Variants in PCBP3 observed in about 807,000 individuals in gnomAD.
The protein encoded by PCBP3 is poly(rC) binding protein 3, also known as poly(rC)-binding protein 3.
PCBP3 carries 25 observed loss-of-function variants against 52.7 expected under a neutral mutation model. The ratio of observed to expected loss-of-function variants is 0.47; its 90% CI spans 0.35 to 0.66. PCBP3 has a LOEUF of 0.66. PCBP3 is among the 30% of genes least tolerant of loss of function. The pLI, the probability that PCBP3 is intolerant of heterozygous loss-of-function variation, is 0.01. For missense variants in PCBP3, 391 were observed against 490.3 expected, an observed-to-expected ratio of 0.80 and a Z score of 1.91; for synonymous variants, 162 against 183.0, an observed-to-expected ratio of 0.89 and a Z score of 0.93.
chr21:45,764,225 C>T (rs1043057441), intron 4 of PCBP3, among the ~76,000 whole-genome samples: 3 of 151,316 alleles, frequency 2.0e-5, no homozygotes, highest in South Asian at 2.1e-4. Context: ...CGGGTTCAAG[C>T]GATTCTCCTG....
intron 4 of PCBP3, among the ~76,000 whole-genome samples, chr21:45,819,224 G>A (rs1224912329): frequency 1.3e-5 from 2 of 152,154 alleles, no homozygotes; most frequent in Non-Finnish European, 2.9e-5. Flanking sequence ...GCGGGCTGTG[G>A]GGGATGGGCC....
chr21:45,833,861 C>T (rs1025444426), intron 4 of PCBP3, among the ~76,000 whole-genome samples: 4 of 152,244 alleles, frequency 2.6e-5, no homozygotes, highest in African/African-American at 9.6e-5. Context: ...GCTCAGGGAA[C>T]ACCTGACTCC....
chr21:45,819,891 C>T (rs2093078604), intron 4 of PCBP3, among the ~76,000 whole-genome samples: 1 of 152,226 alleles, frequency 6.6e-6, no homozygotes, highest in South Asian at 2.1e-4. Flanking sequence ...GTGTCTGAGT[C>T]CCCTGGAGTG....
chr21:45,820,077 G>A (rs952263525), intron 4 of PCBP3, among the ~76,000 whole-genome samples: 3 of 152,362 alleles, frequency 2.0e-5, no homozygotes, highest in Non-Finnish European at 4.4e-5. Flanking sequence ...CTGGGTCTCC[G>A]TTTCAGCCAC....
At chr21:45,911,935 G>T (rs2096403079) in intron 11 of PCBP3, among the ~76,000 whole-genome samples, 1 of 152,254 alleles carries the variant, frequency 6.6e-6, no homozygotes, top group Non-Finnish European at 1.5e-5. Context: ...GTGCCATGCT[G>T]GTCTGAGCTA....
rs1603335194 is a variant in PCBP3 at position 45,724,764 on chromosome 21, C to T, written c.-199-10628C>T. Among the ~76,000 whole-genome samples the T allele has an allele frequency of 1.3e-5, 2 of 151,882 alleles. No individual in the cohort carries two copies. The highest frequency in any genetic ancestry group is 2.9e-5 in the Non-Finnish European group (2 of 67,966). ...ACCCGCCCCCCCTCAGCTGGAGTGG[C>T]ACTCTGTTGGCTGTTGTTTTCAGGC... On this transcript the variant is annotated intron_variant, in intron 2 of 17. Transcript: ENST00000681687. The surrounding 1 kb of genome is among the most constrained non-coding windows in gnomAD (Gnocchi z 5.3).
chr21:45,741,918 G>A lies in PCBP3; in HGVS notation c.-162+6489G>A, dbSNP rs909631198. On this transcript the variant is annotated intron_variant, in intron 3 of 17. Coordinates refer to ENST00000681687, the MANE Select transcript of PCBP3 (RefSeq NM_001384156.1). This position sits in a 1 kb window ranked among gnomAD's most constrained non-coding sequence, Gnocchi z 4.5. Reference sequence around the variant, plus strand: ...GCCTCTTGCCCAGTGCCCTGGGGGCGGTGGGGAAATTCCAGTCCAGACTGT... The same window carrying A: ...GCCTCTTGCCCAGTGCCCTGGGGGCAGTGGGGAAATTCCAGTCCAGACTGT... Among the ~76,000 whole-genome samples, 4 of 152,136 alleles carry A rather than the reference G, an allele frequency of 2.6e-5. No individual in the cohort carries two copies. Among genetic ancestry groups the A allele is most frequent in the East Asian group, 1.9e-4 (1 of 5,182 alleles).
intron 5 of PCBP3, among the ~76,000 whole-genome samples, chr21:45,867,123 A>G (rs1024076721): frequency 6.6e-6 from 1 of 152,248 alleles, no homozygotes; most frequent in African/African-American, 2.4e-5. Context: ...CAGCAGCCAT[A>G]GAAGCGTGTG....
intron 10 of PCBP3, 98 bp from the exon 11 acceptor site, chr21:45,910,804 A>G: frequency 8.1e-7 from 1 of 1,228,102 alleles, no homozygotes; most frequent in Non-Finnish European, 1.1e-6. Flanking sequence ...TTTCCAAGGA[A>G]GTGTCCCCCG....
At chr21:45,663,347 C>T (rs1187589253) in intron 1 of PCBP3, among the ~76,000 whole-genome samples, 5 of 151,956 alleles carry the variant, frequency 3.3e-5, no homozygotes, top group South Asian at 4.2e-4. Context: ...CTGGTGTCCG[C>T]GTCTTGGTGG....
intron 5 of PCBP3, among the ~76,000 whole-genome samples, chr21:45,894,726 G>A (rs1477314574): frequency 1.3e-5 from 2 of 152,216 alleles, no homozygotes; most frequent in Admixed American, 6.5e-5. Flanking sequence ...TGTGCTTGTG[G>A]ATGTTTAGTT....
chr21:45,784,440 CT>C (rs2090933341), intron 4 of PCBP3, among the ~76,000 whole-genome samples: 3 of 150,874 alleles, frequency 2.0e-5, no homozygotes, highest in East Asian at 1.9e-4. Context: ...TACCTCCTAC[CT>C]CCTACCTCCT....
chr21:45,913,252 C>T (rs1346654537), intron 11 of PCBP3, among the ~76,000 whole-genome samples: 2 of 152,220 alleles, frequency 1.3e-5, no homozygotes, highest in Admixed American at 6.5e-5. Context: ...CAAACCTCAT[C>T]GTAACTATGG....
chr21:45,809,666 G>A (rs190267411), intron 4 of PCBP3, among the ~76,000 whole-genome samples: 5 of 152,364 alleles, frequency 3.3e-5, no homozygotes, highest in Admixed American at 2.0e-4. Flanking sequence ...TGCTAAGTGC[G>A]GCAGATGCCA....
At chr21:45,778,454 G>A (rs2145978377) in intron 4 of PCBP3, among the ~76,000 whole-genome samples, 1 of 152,310 alleles carries the variant, frequency 6.6e-6, no homozygotes, top group Non-Finnish European at 1.5e-5. Context: ...GCTGGTGGGT[G>A]GGTTCTTGCG....
intron 3 of PCBP3, among the ~76,000 whole-genome samples, chr21:45,742,660 T>G (rs2086541588): frequency 6.6e-6 from 1 of 152,226 alleles, no homozygotes; most frequent in East Asian, 1.9e-4. Context: ...AGTTATTTTT[T>G]CTTATATTAG....
intron 4 of PCBP3, among the ~76,000 whole-genome samples, chr21:45,832,330 C>A (rs995011660): frequency 5.3e-5 from 8 of 152,146 alleles, no homozygotes; most frequent in Admixed American, 1.3e-4. Context: ...TTTACTGCAA[C>A]CTGTTTTATC....
chr21:45,929,915 A>G lies in PCBP3; in HGVS notation c.718-2A>G. On this transcript the variant is annotated splice_acceptor_variant, in intron 13 of 17. Coordinates refer to ENST00000681687, the MANE Select transcript of PCBP3 (RefSeq NM_001384156.1). LOFTEE classifies it high-confidence loss of function. ...TTAGCTCTCGTGTCCCTCCTACCCC[A>G]GCAGTTGACCAAGCTCCACCAGTTG... is the stretch of plus-strand genomic sequence containing the variant. 6.2e-7 allele frequency: 1 copy of G among 1,612,922 alleles called. No homozygotes were observed. The highest frequency in any genetic ancestry group is 8.5e-7 in the Non-Finnish European group (1 of 1,179,120).
intron 3 of PCBP3, chr21:45,752,856 T>C (rs1260590665): frequency 6.6e-6 from 1 of 151,456 alleles, no homozygotes; most frequent in Non-Finnish European, 1.5e-5. Context: ...ATAGATATTT[T>C]TATCTGTGGC....
Sources: gnomAD v4.1 joint callset for allele counts (sites outside exome capture counted in the v4.1 genomes callset) on GRCh38, gnomAD v4.1.1 for gene constraint, Gnocchi (gnomAD v3.1) non-coding constraint, MANE v1.5 for transcripts, NCBI Gene and HGNC (gene_info 2026-07-23, HGNC 2026-07-21) for gene names.